PRKN: variants seen among roughly 807,000 people sequenced by gnomAD.
The protein encoded by PRKN is parkin RBR E3 ubiquitin protein ligase.
Under a neutral mutation model 59.5 loss-of-function variants are expected in PRKN, and 56 were observed. That is an observed-to-expected ratio of 0.94 (90% CI 0.76 to 1.18). The LOEUF (loss-of-function observed/expected upper bound fraction) is 1.18. Among genes scored for constraint, PRKN ranks in the 50% most tolerant of loss-of-function variants. PRKN has a pLI of 0.00. For missense variants in PRKN, 657 were observed against 596.4 expected (o/e 1.10, Z -1.06); for synonymous variants, 250 against 222.1 (o/e 1.13, Z -1.12).
intron 8 of PRKN, among the ~76,000 whole-genome samples, chr6:161,567,599 T>C (rs905297186): frequency 6.6e-6 from 1 of 152,080 alleles, no homozygotes; most frequent in Non-Finnish European, 1.5e-5. Context: ...GTTTGCGTTT[T>C]AGGAAATAGA....
At chr6:162,414,607 A>C (rs1384663358) in intron 2 of PRKN, among the ~76,000 whole-genome samples, 1 of 151,248 alleles carries the variant, frequency 6.6e-6, no homozygotes, top group African/African-American at 2.4e-5. Context: ...GCTACTCGGG[A>C]GGCTGAAGCA....
chr6:162,201,175 C>A lies in PRKN; in HGVS notation c.490G>T (p.Val164Leu). ...GCCTGCCTGCAGGTGCTGCACTGTA[C>A]CCTGAGTTTTCCCGGCTGCACTCTT... ...CQRVQPGKLR[V>L]QCSTCRQATL... is the part of the protein sequence containing the mutation. The change falls in exon 4 of 12, where the codon GTA becomes TTA. Residue 164 changes from valine (V) to leucine (L), a missense_variant. Val to Leu is a conservative substitution (Grantham distance 32, BLOSUM62 1). Transcript: ENST00000366898. The A allele has an allele frequency of 6.2e-7, 1 of 1,614,060 alleles. No homozygotes were observed. Among genetic ancestry groups the A allele is most frequent in the Non-Finnish European group, 8.5e-7 (1 of 1,179,972 alleles).
chr6:162,156,112 A>T (rs1782503178), intron 4 of PRKN, among the ~76,000 whole-genome samples: 1 of 152,154 alleles, frequency 6.6e-6, no homozygotes, highest in South Asian at 2.1e-4. Context: ...ATCCCTATGT[A>T]CTGTATATAT....
intron 5 of PRKN, among the ~76,000 whole-genome samples, chr6:162,038,701 T>G (rs967631491): frequency 3.9e-5 from 6 of 152,202 alleles, no homozygotes. Flanking sequence ...ATGTCACTGA[T>G]GTTGACTTGA....
intron 5 of PRKN, among the ~76,000 whole-genome samples, chr6:162,048,601 T>C (rs1464378841): frequency 2.6e-5 from 4 of 152,070 alleles, no homozygotes; most frequent in African/African-American, 9.7e-5. Flanking sequence ...ACACAAATTA[T>C]TGTTTTAAGT....
chr6:161,984,103 G>T (rs937795688), intron 5 of PRKN, among the ~76,000 whole-genome samples: 1 of 151,962 alleles, frequency 6.6e-6, no homozygotes, highest in African/African-American at 2.4e-5. Flanking sequence ...GAGTAAAACA[G>T]GCTCATACAT....
chr6:162,588,358 T>C (rs560979014), intron 1 of PRKN, among the ~76,000 whole-genome samples: 9 of 148,840 alleles, frequency 6.0e-5, no homozygotes, highest in South Asian at 2.1e-4. Context: ...CAGTAAGAAA[T>C]AGGATGATCA....
chr6:162,378,331 C>A (rs999002377), intron 2 of PRKN, among the ~76,000 whole-genome samples: 1 of 152,190 alleles, frequency 6.6e-6, no homozygotes, highest in Non-Finnish European at 1.5e-5. Flanking sequence ...TCAGTCTAAT[C>A]GAAGATCATA....
intron 5 of PRKN, among the ~76,000 whole-genome samples, chr6:162,050,479 T>TC (rs1371232945): frequency 2.0e-5 from 3 of 151,662 alleles, no homozygotes; most frequent in Non-Finnish European, 4.4e-5. Flanking sequence ...CCTCTCTTTT[T>TC]TTTTCATCTC....
intron 4 of PRKN, among the ~76,000 whole-genome samples, chr6:162,067,373 G>T (rs1360018824): frequency 3.3e-5 from 5 of 152,128 alleles, no homozygotes; most frequent in Non-Finnish European, 7.4e-5. Flanking sequence ...AATATTCTAT[G>T]ATCTAAGAAA....
At chr6:162,328,100 C>T (rs577137924) in intron 2 of PRKN, among the ~76,000 whole-genome samples, 86 of 152,306 alleles carry the variant, frequency 5.6e-4, no homozygotes, top group African/African-American at 1.9e-3. Flanking sequence ...GTGGCTGACG[C>T]GTGGAATCCC....
At chr6:162,165,141 A>G (rs1292697896) in intron 4 of PRKN, among the ~76,000 whole-genome samples, 3 of 149,056 alleles carry the variant, frequency 2.0e-5, no homozygotes, top group Non-Finnish European at 3.0e-5. Flanking sequence ...GCATATCCAT[A>G]TAGATATCCA....
chr6:161,773,992 A>G (rs1182139246), intron 7 of PRKN, among the ~76,000 whole-genome samples: 1 of 152,176 alleles, frequency 6.6e-6, no homozygotes, highest in Non-Finnish European at 1.5e-5. Context: ...ATCCAGACAC[A>G]TGCATGCATC....
In PRKN at chr6:162,155,544, C is replaced by T. The variant is rs189414870; in HGVS notation, c.534+45587G>A. Among the ~76,000 whole-genome samples, 26 of 152,146 alleles carry T rather than the reference C, an allele frequency of 1.7e-4. No homozygotes were observed. In the East Asian group the frequency reaches 4.8e-3, roughly 28 times the overall value. ...ATCATAGATACAGACAGAACTAACA[C>T]TGAATTTCAGCGTCAGAGACAGCAA... is the stretch of plus-strand genomic sequence containing the variant. On this transcript the variant is annotated intron_variant, in intron 4 of 11. Coordinates refer to ENST00000366898, the MANE Select transcript of PRKN (RefSeq NM_004562.3).
chr6:161,622,044 G>A (rs1292682967), intron 7 of PRKN, among the ~76,000 whole-genome samples: 7 of 152,184 alleles, frequency 4.6e-5, no homozygotes, highest in Admixed American at 1.3e-4. Context: ...TGTAACGAGC[G>A]CTTTTGGTAC....
chr6:162,315,183 G>A (rs1256995923), intron 2 of PRKN, among the ~76,000 whole-genome samples: 1 of 152,064 alleles, frequency 6.6e-6, no homozygotes, highest in Non-Finnish European at 1.5e-5. Context: ...CTGTTGTTAT[G>A]GTTTGCATCT....
intron 4 of PRKN, among the ~76,000 whole-genome samples, chr6:162,180,773 T>C (rs563213321): frequency 1.3e-5 from 2 of 152,310 alleles, no homozygotes; most frequent in South Asian, 4.1e-4. Flanking sequence ...GTTGGCTTTA[T>C]GGGGCAAACA....
chr6:161,700,480 G>A lies in PRKN; in HGVS notation c.871+85292C>T, dbSNP rs562907251. Among the ~76,000 whole-genome samples, 72 of 152,160 alleles carry A rather than the reference G, an allele frequency of 4.7e-4. No individual in the cohort carries two copies. The South Asian group carries it at 0.01, about 22-fold the overall frequency. ...TGTTTACTTACCAGTATTCCTCCAG[G>A]GCACAGGGTCACCTCAATTCAGATC... On this transcript the variant is annotated intron_variant, in intron 7 of 11. Coordinates refer to ENST00000366898, the MANE Select transcript of PRKN (RefSeq NM_004562.3).
chr6:161,807,730 C>G (rs1372398704), intron 6 of PRKN, among the ~76,000 whole-genome samples: 1 of 152,196 alleles, frequency 6.6e-6, no homozygotes, highest in African/African-American at 2.4e-5. Flanking sequence ...CTTCCCTCTC[C>G]TCCCCTTGTC....
Sources: gnomAD v4.1 joint callset for allele counts (sites outside exome capture counted in the v4.1 genomes callset) on GRCh38, gnomAD v4.1.1 for gene constraint, MANE v1.5 for transcripts, NCBI Gene and HGNC (gene_info 2026-07-23, HGNC 2026-07-21) for gene names.